Variants in MANBA observed in about 807,000 individuals in gnomAD.
MANBA encodes mannosidase beta, also known as beta-mannosidase.
Under a neutral mutation model 111.1 loss-of-function variants are expected in MANBA, and 83 were observed. That is an observed-to-expected ratio of 0.75 (90% CI 0.63 to 0.90). The LOEUF is 0.90. MANBA is among the 40% of genes least tolerant of loss of function. The probability of loss-of-function intolerance (pLI) is 0.00; values close to 1 mark genes in which losing one functional copy is unlikely to be tolerated. For missense variants in MANBA, 1,036 were observed against 1,069.0 expected, an observed-to-expected ratio of 0.97 and a Z score of 0.43; for synonymous variants, 370 against 378.7, an observed-to-expected ratio of 0.98 and a Z score of 0.27.
intron 1 of MANBA, among the ~76,000 whole-genome samples, chr4:102,742,806 G>A (rs1461159031): frequency 2.0e-5 from 3 of 152,292 alleles, no homozygotes; most frequent in African/African-American, 4.8e-5. Flanking sequence ...CCCTTTCCAC[G>A]ATAGAAGCAG....
At chr4:102,758,764 C>T (rs1019980691) in intron 1 of MANBA, among the ~76,000 whole-genome samples, 3 of 151,994 alleles carry the variant, frequency 2.0e-5, no homozygotes, top group South Asian at 2.1e-4. Context: ...CTGGTCTAAA[C>T]TCCACCTACC....
intron 5 of MANBA, among the ~76,000 whole-genome samples, chr4:102,697,022 G>T (rs928584616): frequency 1.3e-5 from 2 of 152,132 alleles, no homozygotes; most frequent in African/African-American, 4.8e-5. Context: ...CAAGCAGCAA[G>T]ATCTCCTTAC....
At chr4:102,728,169 G>A (rs1722883687) in intron 1 of MANBA, 1 of 538,998 alleles carries the variant, frequency 1.9e-6, no homozygotes, top group South Asian at 1.4e-5. Context: ...AACTTCTCAT[G>A]CCCCTGCTCT....
chr4:102,639,056 A>C (rs1173814375), intron 14 of MANBA, among the ~76,000 whole-genome samples: 1 of 151,954 alleles, frequency 6.6e-6, no homozygotes, highest in African/African-American at 2.4e-5. Context: ...TTATTCCTTA[A>C]TTTTTTTTAA....
intron 5 of MANBA, among the ~76,000 whole-genome samples, chr4:102,692,012 C>T (rs1453272974): frequency 1.3e-5 from 2 of 152,236 alleles, no homozygotes; most frequent in East Asian, 1.9e-4. Context: ...AAGTTGAGCA[C>T]GGTCCAAATG....
intron 4 of MANBA, among the ~76,000 whole-genome samples, chr4:102,715,555 T>C (rs1031791169): frequency 9.9e-5 from 15 of 152,200 alleles, no homozygotes; most frequent in Admixed American, 9.8e-4. Flanking sequence ...GGTAAACTTG[T>C]GTCATGGGGG....
Position 102,650,556 on chromosome 4 carries a change from T to A in MANBA, c.1850A>T (p.Asp617Val). 1 of 1,613,130 alleles carries A rather than the reference T, an allele frequency of 6.2e-7. No individual in the cohort carries two copies. The highest frequency in any genetic ancestry group is 8.5e-7 in the Non-Finnish European group (1 of 1,179,130). ...ACTTACCTGAGTAAGGTAGATGGTA[T>A]CTTTAAATGTGCGTAATGGATCTGT... is the stretch of plus-strand genomic sequence containing the variant. ...QSTDPLRTFK[D>V]TIYLTQVMQA... is the part of the protein sequence containing the mutation. The change falls in exon 13 of 17, where the codon GAT becomes GTT. Residue 617 changes from aspartate (D) to valine (V), a missense_variant. Physicochemically the swap from Asp to Val is radical, Grantham distance 152. Coordinates refer to ENST00000647097, the MANE Select transcript of MANBA (RefSeq NM_005908.4).
chr4:102,639,048 A>C (rs1729753033), intron 14 of MANBA, among the ~76,000 whole-genome samples: 1 of 152,128 alleles, frequency 6.6e-6, no homozygotes, highest in Non-Finnish European at 1.5e-5. Flanking sequence ...AAAGACTATT[A>C]TTCCTTAATT....
In MANBA at chr4:102,639,835, T is replaced by G; in HGVS notation, c.1892A>C (p.Lys631Thr). 6.2e-7 allele frequency: 1 copy of G among 1,614,166 alleles called. No individual in the cohort carries two copies. The highest frequency in any genetic ancestry group is 8.5e-7 in the Non-Finnish European group (1 of 1,180,016). ...ACGGCGGTAGAATTCAGTTTCTGTT[T>G]TGACACACTGGGCCTGCATCACCTG... Reference protein sequence around the residue: ...LTQVMQAQCVKTETEFYRRSR... With the variant: ...LTQVMQAQCVTTETEFYRRSR... Residue 631 changes from lysine to threonine, a missense_variant, in exon 14 of 17, where the codon AAA (lysine) becomes ACA (threonine). Coordinates refer to ENST00000647097, the MANE Select transcript of MANBA (RefSeq NM_005908.4).
intron 12 of MANBA, among the ~76,000 whole-genome samples, chr4:102,657,310 C>T (rs563830405): frequency 6.6e-6 from 1 of 151,614 alleles, no homozygotes; most frequent in African/African-American, 2.4e-5. Flanking sequence ...GTTTATTTAT[C>T]ACATTTACCC....
chr4:102,650,358 C>T (rs1730275134), intron 13 of MANBA, among the ~76,000 whole-genome samples, 179 bp downstream of exon 13: 1 of 152,134 alleles, frequency 6.6e-6, no homozygotes, highest in Non-Finnish European at 1.5e-5. Flanking sequence ...GAGGCAAATG[C>T]CAAAAATGAA....
At chr4:102,659,649 T>C (rs934522505) in intron 11 of MANBA, among the ~76,000 whole-genome samples, 1 of 152,174 alleles carries the variant, frequency 6.6e-6, no homozygotes, top group African/African-American at 2.4e-5. Flanking sequence ...CAGATTTCTT[T>C]ACCATCCTCT....
intron 15 of MANBA, 131 bp from the exon 16 acceptor site, chr4:102,635,176 T>C: frequency 2.1e-6 from 2 of 965,392 alleles, no homozygotes; most frequent in Admixed American, 4.2e-5. Flanking sequence ...TGAGTTTTAA[T>C]CCCAGTCCTG....
At chr4:102,728,605 G>C in intron 1 of MANBA, 1 of 476,278 alleles carries the variant, frequency 2.1e-6, no homozygotes, top group Non-Finnish European at 3.8e-6. Flanking sequence ...TAGGCATGGG[G>C]GGTCCCCAGG....
chr4:102,707,813 A>G (rs1733370623), intron 5 of MANBA, among the ~76,000 whole-genome samples: 2 of 152,184 alleles, frequency 1.3e-5, no homozygotes, highest in African/African-American at 4.8e-5. Flanking sequence ...AAAGGAATGG[A>G]AAAATATATT....
At position 102,631,859 on chromosome 4, in the gene MANBA, T is replaced by C; in HGVS notation, c.*198A>G. On this transcript the variant is annotated 3_prime_UTR_variant, in exon 17 of 17. Coordinates refer to ENST00000647097, the MANE Select transcript of MANBA (RefSeq NM_005908.4). ...CCAGGACACCCCGGCACAGGCTTGT[T>C]TGAGGACATTGCCTGGGTAAACAGC... The C allele has an allele frequency of 1.6e-6, 1 of 644,292 alleles. No homozygotes were observed. The highest frequency in any genetic ancestry group is 2.8e-6 in the Non-Finnish European group (1 of 360,138). 39.9% of individuals were successfully genotyped at this position (644,292 alleles called of 1,614,324 possible).
At chr4:102,661,293 A>C (rs1730941259) in intron 11 of MANBA, among the ~76,000 whole-genome samples, 1 of 152,164 alleles carries the variant, frequency 6.6e-6, no homozygotes, top group African/African-American at 2.4e-5. Context: ...CATAGTTCCC[A>C]GCATTTTGAA....
In MANBA at chr4:102,634,994, C is replaced by T. The variant is rs764676796; in HGVS notation, c.2209G>A (p.Glu737Lys). 1.1e-5 allele frequency: 18 copies of T among 1,614,084 alleles called. No homozygotes were observed. The East Asian group carries it at 4.0e-4, about 36-fold the overall frequency. ...TCTCCTCCTTTCATCACAAAACGTT[C>T]AGTCACACGAGAGCACACGGGCTCC... ...SLEPVCSRVT[E>K]RFVMKGGEAV... The change falls in exon 16 of 17, where the codon GAA (glutamate) becomes AAA (lysine). Residue 737 changes from glutamate (E) to lysine (K), a missense_variant. Transcript: ENST00000647097.
In MANBA at chr4:102,739,151, A is replaced by G. The variant is rs775287541; in HGVS notation, c.178-12468T>C. 5.9e-5 allele frequency among the ~76,000 whole-genome samples: 9 copies of G among 152,348 alleles called. No individual in the cohort carries two copies. In the South Asian group the frequency reaches 1.2e-3, roughly 21 times the overall value. On this transcript the variant is annotated intron_variant, in intron 1 of 16. Transcript: ENST00000647097. Reference sequence around the variant, plus strand: ...AATTGATACCACAGAAATACAAAAGATCATTCATGGCTACTATGAACATCT... The same window carrying G: ...AATTGATACCACAGAAATACAAAAGGTCATTCATGGCTACTATGAACATCT...
Sources: allele counts gnomAD v4.1 joint callset (sites outside exome capture counted in the v4.1 genomes callset), GRCh38; gene constraint gnomAD v4.1.1; transcripts MANE v1.5; gene names NCBI Gene and HGNC (gene_info 2026-07-23, HGNC 2026-07-21).